The following GRHL3 variants were observed in gnomAD, a reference collection of about 807,000 sequenced individuals.
GRHL3 encodes the protein grainyhead-like protein 3 homolog.
A neutral mutation model predicts 70.3 loss-of-function variants in GRHL3; 20 were observed. The observed-to-expected ratio is 0.28, with a 90% CI of 0.20 to 0.41. GRHL3 has a LOEUF of 0.41. GRHL3 is among the 10% of genes least tolerant of loss of function. The probability of loss-of-function intolerance (pLI) is 1.00; values close to 1 mark genes in which losing one functional copy is unlikely to be tolerated. For missense variants in GRHL3, 637 were observed against 762.3 expected, an observed-to-expected ratio of 0.84 and a Z score of 1.94; for synonymous variants, 299 against 299.9, an observed-to-expected ratio of 1.00 and a Z score of 0.03.
chr1:24,322,944 A>T lies in GRHL3; in HGVS notation c.17+3376A>T. ...CCCAGACCTGGTTCAGGCTTGCCCA[A>T]GGTCTCACGGAAGCACTGGGATCTT... On this transcript the variant is annotated intron_variant, in intron 1 of 15. Coordinates refer to ENST00000361548, the MANE Select transcript of GRHL3 (RefSeq NM_198173.3). This position sits in a 1 kb window ranked among gnomAD's most constrained non-coding sequence, Gnocchi z 4.4. 1 of 694,784 alleles carries T rather than the reference A, an allele frequency of 1.4e-6. No homozygotes were observed. Among genetic ancestry groups the T allele is most frequent in the South Asian group, 1.8e-5 (1 of 55,264 alleles). The allele number at this position is 694,784 out of a possible 1,614,324, so 43.0% of individuals were successfully genotyped here. A position where few individuals can be genotyped will look rare whatever the true frequency, so the allele number is the denominator to read the frequency against.
At chr1:24,349,470 A>G (rs1381228744) in intron 14 of GRHL3, among the ~76,000 whole-genome samples, 3 of 152,238 alleles carry the variant, frequency 2.0e-5, no homozygotes, top group African/African-American at 4.8e-5. Context: ...TGCTTCTGAA[A>G]AAAACAACAC....
In GRHL3 at chr1:24,322,618, T is replaced by C. The variant is rs111539588; in HGVS notation, c.17+3050T>C. Among the ~76,000 whole-genome samples, 2,012 of 152,232 alleles carry C rather than the reference T, an allele frequency of 0.013. 35 individuals are homozygous for C. Among genetic ancestry groups the C allele is most frequent in the African/African-American group, 0.046 (1,911 of 41,526 alleles). ...CCGGGCGGCGCGGGGGTCCTGCGGC[T>C]CCGCCAGCTGCTGGGAGCGGGCAGG... is the stretch of plus-strand genomic sequence containing the variant. On this transcript the variant is annotated intron_variant, in intron 1 of 15. Transcript: ENST00000361548. The surrounding 1 kb of genome is among the most constrained non-coding windows in gnomAD (Gnocchi z 4.4).
rs1009681540 is a variant in GRHL3, at chr1:24,355,292, AATCT to A, written c.*811_*814del. 2.1e-4 allele frequency: 32 copies of A among 152,716 alleles called. No individual in the cohort carries two copies. Among genetic ancestry groups the A allele is most frequent in the African/African-American group, 7.2e-4 (30 of 41,552 alleles). 9.5% of individuals were successfully genotyped at this position (152,716 alleles called of 1,614,324 possible). ...TACTCACGTGGTATTTAGTAATAAA[AATCT>A]ATCTATGTATTACGTCACATTACTT... On this transcript the variant is annotated 3_prime_UTR_variant, in exon 16 of 16. Transcript: ENST00000361548.
At chr1:24,339,875 C>G in intron 8 of GRHL3, 113 bp downstream of exon 8, 5 of 633,332 alleles carry the variant, frequency 7.9e-6, no homozygotes, top group Non-Finnish European at 1.4e-5. Context: ...CGAGGGCACT[C>G]ATGGAGGAGG....
rs114238030 is a variant in GRHL3 at position 24,353,478 on chromosome 1, G to C, written c.1695-896G>C. Among the ~76,000 whole-genome samples the C allele has an allele frequency of 5.3e-3, 781 of 148,008 alleles. 6 individuals carry two copies. Among genetic ancestry groups the C allele is most frequent in the African/African-American group, 0.018 (742 of 40,342 alleles). ...AGGTAGGTGTGTGTGTGGGTGTGTA[G>C]TAGAGGGTAGATGGGGGTGTGTATG... On this transcript the variant is annotated intron_variant, in intron 15 of 15. Coordinates refer to ENST00000361548, the MANE Select transcript of GRHL3 (RefSeq NM_198173.3).
intron 1 of GRHL3, among the ~76,000 whole-genome samples, chr1:24,330,579 G>A (rs1048913899): frequency 1.3e-5 from 2 of 152,222 alleles, no homozygotes; most frequent in Non-Finnish European, 2.9e-5. Context: ...TCAATAAAGA[G>A]TAGCTATTAT....
chr1:24,337,544 G>A, intron 5 of GRHL3, 92 bp from the exon 6 acceptor site: 3 of 1,355,294 alleles, frequency 2.2e-6, no homozygotes, highest in Non-Finnish European at 3.1e-6. Flanking sequence ...CAGCAAGTCT[G>A]TAACATAGCC....
At position 24,362,433 on chromosome 1, in the gene GRHL3, C is replaced by T. The variant is rs908023070; in HGVS notation, c.1695-1752C>T. Among the ~76,000 whole-genome samples, 3 of 152,200 alleles carry T rather than the reference C, an allele frequency of 2.0e-5. No individual in the cohort carries two copies. The East Asian group carries it at 5.8e-4, about 29-fold the overall frequency. On this transcript the variant is annotated intron_variant, in intron 15 of 15. Coordinates refer to the GRHL3 transcript ENST00000350501. Reference sequence around the variant, plus strand: ...CACAAACCTGAGGCTGAATTCTAGTCATGCCACTTACTGGCTGTAAGACAA... The same window carrying T: ...CACAAACCTGAGGCTGAATTCTAGTTATGCCACTTACTGGCTGTAAGACAA...
intron 1 of GRHL3, among the ~76,000 whole-genome samples, chr1:24,330,668 C>T (rs1195768574): frequency 6.6e-6 from 1 of 152,218 alleles, no homozygotes; most frequent in Non-Finnish European, 1.5e-5. Flanking sequence ...TGCTGAGTTT[C>T]CCCAACTAAA....
chr1:24,358,386 G>A (rs1308951417), downstream of GRHL3: 3 of 731,576 alleles, frequency 4.1e-6, no homozygotes, highest in Non-Finnish European at 7.5e-6. Flanking sequence ...AAAGGCAATG[G>A]CAGCAGTCCG....
intron 14 of GRHL3, among the ~76,000 whole-genome samples, chr1:24,348,350 G>T (rs905214186): frequency 6.6e-6 from 1 of 152,206 alleles, no homozygotes; most frequent in Non-Finnish European, 1.5e-5. Context: ...CCTCCGAGAG[G>T]TCAGGTGACT....
At chr1:24,343,349 T>G in intron 11 of GRHL3, 1 of 310,592 alleles carries the variant, frequency 3.2e-6, no homozygotes. Context: ...CTTGTGGTGC[T>G]CACTGTGTGC....
downstream of GRHL3, among the ~76,000 whole-genome samples, chr1:24,360,231 G>A (rs926642818): frequency 8.5e-5 from 13 of 152,196 alleles, no homozygotes; most frequent in Non-Finnish European, 1.5e-5. Flanking sequence ...GACCAGTTGA[G>A]GTCAGGAGTT....
In GRHL3 at chr1:24,355,047, G is replaced by A. The variant is rs576998987; in HGVS notation, c.*559G>A. On this transcript the variant is annotated 3_prime_UTR_variant, in exon 16 of 16. Coordinates refer to ENST00000361548, the MANE Select transcript of GRHL3 (RefSeq NM_198173.3). ...CAGGATGTAAATAGCACTAACGATCGACTGGAACAAAGTGACCGCTGTGTA... is the reference window on the plus strand; with the variant it reads ...CAGGATGTAAATAGCACTAACGATCAACTGGAACAAAGTGACCGCTGTGTA... 2.6e-5 allele frequency: 4 copies of A among 152,788 alleles called. No individual in the cohort carries two copies. The highest frequency in any genetic ancestry group is 4.4e-5 in the Non-Finnish European group (3 of 68,128). The allele number at this position is 152,788 out of a possible 1,614,324, so 9.5% of individuals were successfully genotyped here.
rs561428137 is a variant in GRHL3 at position 24,347,781 on chromosome 1, A to G, written c.1629+228A>G. On this transcript the variant is annotated intron_variant, in intron 14 of 15. Coordinates refer to ENST00000361548, the MANE Select transcript of GRHL3 (RefSeq NM_198173.3). ...CTCCACCCTGGGAGTCGCACACACC[A>G]TAAATCCTCCTTGATCTGATGGCTG... Among the ~76,000 whole-genome samples, 4 of 152,322 alleles carry G rather than the reference A, an allele frequency of 2.6e-5. No homozygotes were observed. The East Asian group carries it at 5.8e-4, about 22-fold the overall frequency.
chr1:24,353,756 C>T (rs181317524), intron 15 of GRHL3, among the ~76,000 whole-genome samples: 2 of 152,280 alleles, frequency 1.3e-5, no homozygotes, highest in African/African-American at 4.8e-5. Context: ...GCTCTGACTC[C>T]CTGCAGGGGC....
At chr1:24,340,857 C>T (rs954224766) in intron 8 of GRHL3, among the ~76,000 whole-genome samples, 3 of 151,888 alleles carry the variant, frequency 2.0e-5, no homozygotes, top group African/African-American at 7.3e-5. Flanking sequence ...TGGGGAGTTT[C>T]GTGGGAAGGG....
chr1:24,337,511 T>C lies in GRHL3; in HGVS notation c.687-125T>C, dbSNP rs532822863. ...TTGAGGAAACTGGGGCCCAAGGAAG[T>C]AAGGTTATTTTCCAAGGTCAAACAG... is the stretch of plus-strand genomic sequence containing the variant. On this transcript the variant is annotated intron_variant, in intron 5 of 15. Coordinates refer to ENST00000361548, the MANE Select transcript of GRHL3 (RefSeq NM_198173.3). 5 of 1,005,398 alleles carry C rather than the reference T, an allele frequency of 5.0e-6. No individual in the cohort carries two copies. The African/African-American group carries it at 8.1e-5, about 16-fold the overall frequency. The allele number at this position is 1,005,398 out of a possible 1,614,324, so 62.3% of individuals were successfully genotyped here.
chr1:24,356,534 C>T (rs577333265), downstream of GRHL3, among the ~76,000 whole-genome samples: 4 of 152,330 alleles, frequency 2.6e-5, no homozygotes, highest in Non-Finnish European at 4.4e-5. Flanking sequence ...CCACCGTGTC[C>T]GGCCACATTT....
Sources: gnomAD v4.1 joint callset for allele counts (sites outside exome capture counted in the v4.1 genomes callset) on GRCh38, gnomAD v4.1.1 for gene constraint, Gnocchi (gnomAD v3.1) non-coding constraint, MANE v1.5 for transcripts, NCBI Gene and HGNC (gene_info 2026-07-23, HGNC 2026-07-21) for gene names.